CEP112: variants seen among roughly 807,000 people sequenced by gnomAD.
CEP112 encodes the protein centrosomal protein 112, also known as centrosomal protein of 112 kDa.
CEP112 carries 127 observed loss-of-function variants against 153.0 expected under a neutral mutation model. That is an observed-to-expected ratio of 0.83 (90% CI 0.72 to 0.96). CEP112 has a LOEUF of 0.96. Ranked by LOEUF, CEP112 falls within the 40% of genes least tolerant of loss-of-function variation. The pLI, the probability that CEP112 is intolerant of heterozygous loss-of-function variation, is 0.00. For missense variants in CEP112, 1,089 were observed against 1,101.2 expected (o/e 0.99, Z 0.16); for synonymous variants, 358 against 374.4 (o/e 0.96, Z 0.51).
chr17:66,081,648 G>C (rs2067722839), intron 8 of CEP112, among the ~76,000 whole-genome samples: 1 of 150,742 alleles, frequency 6.6e-6, no homozygotes, highest in South Asian at 2.1e-4. Context: ...CAAGCGCAGT[G>C]GCTCACGCCT....
intron 18 of CEP112, among the ~76,000 whole-genome samples, chr17:65,931,629 C>A (rs746460673): frequency 1.3e-5 from 2 of 152,214 alleles, no homozygotes; most frequent in Non-Finnish European, 2.9e-5. Flanking sequence ...GGCACCCAAC[C>A]AGAGAGAACA....
intron 17 of CEP112, among the ~76,000 whole-genome samples, chr17:66,004,317 TA>T (rs993608716): frequency 1.3e-5 from 2 of 151,566 alleles, no homozygotes; most frequent in African/African-American, 4.8e-5. Flanking sequence ...CAGTCTCTAC[TA>T]AAAAAAATAA....
chr17:65,639,361 CA>C (rs1483818303), intron 25 of CEP112, among the ~76,000 whole-genome samples: 8 of 152,152 alleles, frequency 5.3e-5, no homozygotes, highest in Non-Finnish European at 1.0e-4. Context: ...TCCTTTCCTT[CA>C]TGGAATTTTT....
chr17:66,048,259 C>T (rs1169904081), intron 12 of CEP112, among the ~76,000 whole-genome samples: 2 of 152,200 alleles, frequency 1.3e-5, no homozygotes, highest in East Asian at 3.9e-4. Flanking sequence ...CCTTATCAGA[C>T]ATCAAGAGTA....
chr17:65,659,322 C>T (rs1175031855), intron 24 of CEP112, among the ~76,000 whole-genome samples: 3 of 152,160 alleles, frequency 2.0e-5, no homozygotes, highest in Middle Eastern at 3.2e-3. Context: ...AGGCAAGCTA[C>T]GACTGCTCTT....
chr17:66,051,591 A>G (rs1298006098), intron 12 of CEP112, among the ~76,000 whole-genome samples: 1 of 152,128 alleles, frequency 6.6e-6, no homozygotes, highest in East Asian at 1.9e-4. Context: ...ACAACTGTGC[A>G]TACCACTTCT....
At chr17:65,999,223 G>A (rs1278897993) in intron 17 of CEP112, among the ~76,000 whole-genome samples, 10 of 144,800 alleles carry the variant, frequency 6.9e-5, no homozygotes, top group Non-Finnish European at 1.5e-4. Context: ...TTGAGACGGA[G>A]TCTCGCTCTT....
At chr17:65,690,654 A>T (rs988636557) in intron 23 of CEP112, among the ~76,000 whole-genome samples, 2 of 152,100 alleles carry the variant, frequency 1.3e-5, no homozygotes, top group Non-Finnish European at 1.5e-5. Context: ...GACAAGAGAG[A>T]GCAAGTCACA....
chr17:66,033,650 T>G (rs1441938616), intron 12 of CEP112, among the ~76,000 whole-genome samples: 1 of 152,254 alleles, frequency 6.6e-6, no homozygotes, highest in Non-Finnish European at 1.5e-5. Context: ...AAATGTCATC[T>G]TGTGAAGGAA....
intron 24 of CEP112, among the ~76,000 whole-genome samples, chr17:65,675,334 C>T (rs2047174260): frequency 6.6e-6 from 1 of 152,154 alleles, no homozygotes; most frequent in South Asian, 2.1e-4. Context: ...GTGAACTCCA[C>T]CACCTATATT....
At chr17:65,818,921 C>T (rs1476504336) in intron 21 of CEP112, among the ~76,000 whole-genome samples, 1 of 151,722 alleles carries the variant, frequency 6.6e-6, no homozygotes, top group Non-Finnish European at 1.5e-5. Context: ...CAAAATAATA[C>T]CTATTACACC....
At chr17:66,121,711 TG>T (rs2069602471) in intron 6 of CEP112, among the ~76,000 whole-genome samples, 1 of 152,116 alleles carries the variant, frequency 6.6e-6, no homozygotes, top group African/African-American at 2.4e-5. Context: ...TTTTGCTTTT[TG>T]TTTTTAGAGA....
At chr17:65,665,607 T>G (rs1435415401) in intron 24 of CEP112, among the ~76,000 whole-genome samples, 2 of 152,140 alleles carry the variant, frequency 1.3e-5, no homozygotes, top group Non-Finnish European at 2.9e-5. Context: ...AAGGACAATT[T>G]GTGGAGAATG....
At chr17:65,662,417 A>T (rs1441465504) in intron 24 of CEP112, among the ~76,000 whole-genome samples, 1 of 152,178 alleles carries the variant, frequency 6.6e-6, no homozygotes, top group African/African-American at 2.4e-5. Context: ...GTGCTCTTTC[A>T]GGAATGTCTC....
intron 21 of CEP112, among the ~76,000 whole-genome samples, chr17:65,805,976 C>T (rs2055574770): frequency 6.6e-6 from 1 of 152,082 alleles, no homozygotes; most frequent in African/African-American, 2.4e-5. Flanking sequence ...ATATTTGACA[C>T]AAAAGCAGAA....
At chr17:66,059,874 C>A (rs952919772) in intron 11 of CEP112, among the ~76,000 whole-genome samples, 4 of 152,092 alleles carry the variant, frequency 2.6e-5, no homozygotes, top group African/African-American at 9.7e-5. Context: ...CTATCCACAA[C>A]AGCAAAGACA....
At chr17:66,084,472 C>T (rs2067840672) in intron 8 of CEP112, among the ~76,000 whole-genome samples, 1 of 152,094 alleles carries the variant, frequency 6.6e-6, no homozygotes, top group South Asian at 2.1e-4. Flanking sequence ...TGGAGTACTA[C>T]CCAGCTATTA....
intron 19 of CEP112, among the ~76,000 whole-genome samples, chr17:65,919,577 A>G (rs1204883211): frequency 6.6e-6 from 1 of 152,184 alleles, no homozygotes; most frequent in Non-Finnish European, 1.5e-5. Flanking sequence ...TGAATGAGTC[A>G]GCGGTGGAAT....
chr17:66,111,400 C>T (rs1180592374), intron 6 of CEP112, among the ~76,000 whole-genome samples: 5 of 152,222 alleles, frequency 3.3e-5, no homozygotes, highest in South Asian at 2.1e-4. Flanking sequence ...TAGAGACACA[C>T]GCGAATGTTC....
Sources: gnomAD v4.1 joint callset for allele counts (sites outside exome capture counted in the v4.1 genomes callset) on GRCh38, gnomAD v4.1.1 for gene constraint, MANE v1.5 for transcripts, NCBI Gene and HGNC (gene_info 2026-07-23, HGNC 2026-07-21) for gene names.